Variants in COL6A3 observed in about 807,000 individuals in gnomAD.
COL6A3 encodes collagen alpha-3(VI) chain.
COL6A3 carries 137 observed loss-of-function variants against 274.1 expected under a neutral mutation model. The ratio of observed to expected loss-of-function variants is 0.50; its 90% CI spans 0.44 to 0.58. The LOEUF is 0.58. Among genes scored for constraint, COL6A3 ranks in the 20% least tolerant of loss-of-function variants. The pLI is 0.00. For synonymous variants in COL6A3, 1,650 were observed against 1,650.6 expected, an observed-to-expected ratio of 1.00 and a Z score of 0.01; for missense variants, 3,950 against 4,124.9, an observed-to-expected ratio of 0.96 and a Z score of 1.16.
chr2:237,375,136 G>A, intron 7 of COL6A3, 116 bp from the exon 8 acceptor site: 1 of 1,479,316 alleles, frequency 6.8e-7, no homozygotes, highest in Non-Finnish European at 9.3e-7. Context: ...CCCCGAACTT[G>A]AGAAAAGGAC....
Position 237,334,901 on chromosome 2 carries a change from A to T in COL6A3, c.8966-12T>A. The T allele has an allele frequency of 6.2e-7, 1 of 1,614,102 alleles. No homozygotes were observed. The highest frequency in any genetic ancestry group is 8.5e-7 in the Non-Finnish European group (1 of 1,180,012). On this transcript the variant is annotated splice_polypyrimidine_tract_variant and intron_variant, in intron 40 of 43. Transcript: ENST00000295550. ...ACGGGACATCTTAACTGAAAGATAG[A>T]TCAGAGCGTGAAGATAAAAAATAAA... is the stretch of plus-strand genomic sequence containing the variant.
chr2:237,402,237 T>G (rs2078609584), intron 1 of COL6A3, among the ~76,000 whole-genome samples: 1 of 152,170 alleles, frequency 6.6e-6, no homozygotes, highest in Admixed American at 6.5e-5. Flanking sequence ...AGGGAGGCAG[T>G]TGTAGTTACT....
In COL6A3 at chr2:237,348,625, G is replaced by A; in HGVS notation, c.6918C>T (p.Arg2306=). The A allele has an allele frequency of 6.2e-7, 1 of 1,614,130 alleles. No individual in the cohort carries two copies. ...DGRDGVGSEG[R]RGKKGERGFP... ...AGCAGATACGTACTTTTTTGCCTCT[G>A]CGTCCTTCACTGCCAACTCCGTCTC... The change falls in exon 29 of 44, where the codon CGC becomes CGT. Residue 2306 remains arginine (R), a synonymous_variant. Transcript: ENST00000295550.
chr2:237,327,119 A>C (rs1699986491), intron 42 of COL6A3: 1 of 152,262 alleles, frequency 6.6e-6, no homozygotes, highest in Non-Finnish European at 1.5e-5. Context: ...TAACTGAAGG[A>C]AAATGCCTGG....
At chr2:237,335,725 C>T (rs946717389) in intron 40 of COL6A3, among the ~76,000 whole-genome samples, 1 of 152,222 alleles carries the variant, frequency 6.6e-6, no homozygotes, top group Non-Finnish European at 1.5e-5. Context: ...GAGTCCGGCT[C>T]CATACACCAG....
At position 237,361,891 on chromosome 2, in the gene COL6A3, T is replaced by C. The variant is rs576483266; in HGVS notation, c.6064-60A>G. The C allele has an allele frequency of 4.1e-6, 6 of 1,466,002 alleles. No homozygotes were observed. The highest frequency in any genetic ancestry group is 1.1e-5 in the South Asian group (1 of 88,090). 90.8% of individuals were successfully genotyped at this position (1,466,002 alleles called of 1,614,324 possible). ...TCAAGAAATGCCCAGCAGAAAATCA[T>C]AAATGCGCTTTAAGGGTCAAAATCG... On this transcript the variant is annotated intron_variant, in intron 14 of 43. Coordinates refer to ENST00000295550, the MANE Select transcript of COL6A3 (RefSeq NM_004369.4). This position sits in a 1 kb window ranked among gnomAD's most constrained non-coding sequence, Gnocchi z 5.1.
chr2:237,335,117 T>G (rs905108907), intron 40 of COL6A3, among the ~76,000 whole-genome samples: 23 of 152,192 alleles, frequency 1.5e-4, no homozygotes, highest in Non-Finnish European at 2.6e-4. Context: ...TCATTATTCA[T>G]CAACTTTTTT....
chr2:237,402,792 G>A (rs1347883008), intron 1 of COL6A3, among the ~76,000 whole-genome samples: 2 of 152,074 alleles, frequency 1.3e-5, no homozygotes, highest in Non-Finnish European at 2.9e-5. Flanking sequence ...CTTTGGAATC[G>A]GCTCCACCCA....
intron 1 of COL6A3, among the ~76,000 whole-genome samples, chr2:237,400,974 G>A (rs1281139691): frequency 6.6e-6 from 1 of 152,170 alleles, no homozygotes; most frequent in Non-Finnish European, 1.5e-5. Flanking sequence ...GAATGAAGGG[G>A]TGGAAAATAG....
At chr2:237,376,038 G>T (rs576547857) in intron 7 of COL6A3, among the ~76,000 whole-genome samples, 1 of 152,326 alleles carries the variant, frequency 6.6e-6, no homozygotes, top group East Asian at 1.9e-4. Flanking sequence ...ACAACCACTA[G>T]CATTTTATCG....
At chr2:237,394,314 T>C (rs962666706) in intron 3 of COL6A3, among the ~76,000 whole-genome samples, 15 of 152,212 alleles carry the variant, frequency 9.9e-5, no homozygotes, top group African/African-American at 3.6e-4. Flanking sequence ...GGCAGAGGTA[T>C]TTTGTGGGAT....
chr2:237,388,117 T>C lies in COL6A3; in HGVS notation c.777A>G (p.Ala259=). The change falls in exon 4 of 44, where the codon GCA becomes GCG. Residue 259 remains alanine, a synonymous_variant. Coordinates refer to ENST00000295550, the MANE Select transcript of COL6A3 (RefSeq NM_004369.4). The part of the protein sequence containing the change: ...GSNNTGSVNF[A]VILDFLVNLL... ...GATTTACAAGGAAGTCGAGAATGAC[T>C]GCGAAATTGACACTTCCGGTGTTGT... The C allele has an allele frequency of 1.2e-6, 2 of 1,614,184 alleles. No individual in the cohort carries two copies. The highest frequency in any genetic ancestry group is 1.7e-6 in the Non-Finnish European group (2 of 1,180,036).
chr2:237,393,093 CA>C (rs1417977901), intron 3 of COL6A3, among the ~76,000 whole-genome samples: 1 of 152,188 alleles, frequency 6.6e-6, no homozygotes, highest in Admixed American at 6.5e-5. Context: ...CAGGCTGTTT[CA>C]GGAATTTACT....
chr2:237,397,430 A>AGAAG (rs1477655860), intron 1 of COL6A3, among the ~76,000 whole-genome samples: 1 of 143,134 alleles, frequency 7.0e-6, no homozygotes, highest in Non-Finnish European at 1.5e-5. Flanking sequence ...AAAGAAAGAG[A>AGAAG]GAAGGAAAGA....
At chr2:237,348,426 T>A in intron 29 of COL6A3, 42 bp from the exon 30 acceptor site, 1 of 1,512,840 alleles carries the variant, frequency 6.6e-7, no homozygotes, top group Non-Finnish European at 9.2e-7. Flanking sequence ...GGTTCTAATT[T>A]AAATTCATCT....
At chr2:237,326,196 C>G (rs1259183081) in intron 42 of COL6A3, 1 of 159,140 alleles carries the variant, frequency 6.3e-6, no homozygotes, top group African/African-American at 2.4e-5. Context: ...CATTACAAGC[C>G]AAGTAGACTG....
At position 237,394,852 on chromosome 2, in the gene COL6A3, C is replaced by T. The variant is rs2078390227; in HGVS notation, c.444G>A (p.Val148=). 6.2e-7 allele frequency: 1 copy of T among 1,613,692 alleles called. No homozygotes were observed. Among genetic ancestry groups the T allele is most frequent in the African/African-American group, 1.3e-5 (1 of 74,926 alleles). Residue 148 remains valine, a synonymous_variant, in exon 3 of 44, where the codon GTG becomes GTA. Coordinates refer to ENST00000295550, the MANE Select transcript of COL6A3 (RefSeq NM_004369.4). The part of the protein sequence containing the change: ...AGDGVPQVIV[V]LTDGHSKDGL... Reference sequence around the variant, plus strand: ...CATCCTTCGAGTGTCCATCAGTTAACACTACGATAACCTGAGGGACTCCGT... The same window carrying T: ...CATCCTTCGAGTGTCCATCAGTTAATACTACGATAACCTGAGGGACTCCGT...
At chr2:237,357,435 G>C (rs754959867) in intron 22 of COL6A3, 44 bp from the exon 23 acceptor site, 22 of 1,527,000 alleles carry the variant, frequency 1.4e-5, no homozygotes, top group Non-Finnish European at 1.9e-5. Context: ...CTGCAGAGAA[G>C]AATGTCTAGC....
chr2:237,358,513 A>G lies in COL6A3; in HGVS notation c.6471+8T>C, dbSNP rs747540355. 8 of 1,612,954 alleles carry G rather than the reference A, an allele frequency of 5.0e-6. No individual in the cohort carries two copies. The highest frequency in any genetic ancestry group is 1.7e-5 in the Admixed American group (1 of 60,016). ...CAGGTCTGAAATCGTCAATAAAGAA[A>G]TCTTTACCGGGTCCCCTCGAATCCC... On this transcript the variant is annotated splice_region_variant and intron_variant, in intron 21 of 43. Transcript: ENST00000295550.
Sources: gnomAD v4.1 joint callset for allele counts (sites outside exome capture counted in the v4.1 genomes callset) on GRCh38, gnomAD v4.1.1 for gene constraint, Gnocchi (gnomAD v3.1) non-coding constraint, MANE v1.5 for transcripts, NCBI Gene and HGNC (gene_info 2026-07-23, HGNC 2026-07-21) for gene names.